CPLANE1: variants seen among roughly 807,000 people sequenced by gnomAD.
CPLANE1 encodes the protein ciliogenesis and planar polarity effector complex subunit 1, also known as ciliogenesis and planar polarity effector 1.
In CPLANE1, 263 loss-of-function variants were observed where a neutral mutation model predicts 362.5. That is an observed-to-expected ratio of 0.73 (90% confidence interval 0.66 to 0.80). CPLANE1 has a LOEUF of 0.80. Among genes scored for constraint, CPLANE1 ranks in the 30% least tolerant of loss-of-function variants. The pLI is 0.00. For missense variants in CPLANE1, 3,461 were observed against 3,793.4 expected, an observed-to-expected ratio of 0.91 and a Z score of 2.30; for synonymous variants, 1,212 against 1,302.6, an observed-to-expected ratio of 0.93 and a Z score of 1.50.
rs141575785 is a variant in CPLANE1, at chr5:37,167,220, G to C, written c.7234-7C>G. 5.1e-4 allele frequency: 808 copies of C among 1,598,298 alleles called. 5 individuals carry two copies. The African/African-American group carries it at 9.3e-3, about 18-fold the overall frequency. ...TAAGTTGTGTTTTTTTGCACTACAA[G>C]AAAGAAACAAAGCATAAGAATGACA... is the stretch of plus-strand genomic sequence containing the variant. On this transcript the variant is annotated splice_polypyrimidine_tract_variant and splice_region_variant and intron_variant, in intron 34 of 52. Transcript: ENST00000651892.
chr5:37,213,468 C>T (rs560574929), intron 16 of CPLANE1, 91 bp downstream of exon 16: 2 of 791,898 alleles, frequency 2.5e-6, no homozygotes, highest in South Asian at 3.8e-5. Flanking sequence ...AGAACAGTAT[C>T]ATTGAGTAAT....
intron 2 of CPLANE1, 134 bp downstream of exon 2, chr5:37,247,484 G>T: frequency 1.5e-6 from 1 of 676,588 alleles, no homozygotes; most frequent in Non-Finnish European, 2.3e-6. Flanking sequence ...GTGCAGGTAG[G>T]TGATCCTCCT....
chr5:37,213,491 A>G, intron 16 of CPLANE1, 68 bp downstream of exon 16: 1 of 1,123,168 alleles, frequency 8.9e-7, no homozygotes, highest in Non-Finnish European at 1.2e-6. Context: ...CCTCTGTATA[A>G]TATGTTTTAA....
At chr5:37,097,775 A>T in the CPLANE1 span, among the ~76,000 whole-genome samples, 1 of 152,182 alleles carries the variant, frequency 6.6e-6, no homozygotes, top group African/African-American at 2.4e-5. Flanking sequence ...TTCATAAATA[A>T]AAGAGAAATA....
chr5:37,207,351 A>G (rs1791054226), intron 16 of CPLANE1, among the ~76,000 whole-genome samples: 1 of 152,226 alleles, frequency 6.6e-6, no homozygotes, highest in African/African-American at 2.4e-5. Flanking sequence ...GGAAAAACAA[A>G]AAGTTTTCAA....
chr5:37,166,933 G>C, intron 35 of CPLANE1, 114 bp downstream of exon 35: 1 of 768,200 alleles, frequency 1.3e-6, no homozygotes, highest in Non-Finnish European at 2.0e-6. Context: ...AAAGAAAACT[G>C]AATGTGCAAT....
At position 37,153,992 on chromosome 5, in the gene CPLANE1, A is replaced by G; in HGVS notation, c.8121T>C (p.Gly2707=). 6.3e-7 allele frequency: 1 copy of G among 1,596,910 alleles called. No homozygotes were observed. The highest frequency in any genetic ancestry group is 1.1e-5 in the South Asian group (1 of 88,996). The change falls in exon 42 of 53, where the codon GGT becomes GGC. Residue 2707 remains glycine (G), a splice_region_variant and synonymous_variant. Transcript: ENST00000651892. ...TGAATCGGAACTCTGGTTTTGGCAG[A>G]CCTAAATATTAATAAGAATAAAAGC... ...PTPSDIQQNK[G]LPKPEFRFKG...
intron 8 of CPLANE1, among the ~76,000 whole-genome samples, chr5:37,232,207 T>G (rs1348881027): frequency 6.6e-6 from 1 of 152,122 alleles, no homozygotes; most frequent in African/African-American, 2.4e-5. Flanking sequence ...AGGATACATA[T>G]GTAGGGACTT....
At chr5:37,207,266 T>C (rs1791022550) in intron 16 of CPLANE1, among the ~76,000 whole-genome samples, 2 of 152,230 alleles carry the variant, frequency 1.3e-5, no homozygotes, top group South Asian at 4.1e-4. Context: ...CTCGAAATGG[T>C]GAGTTTCTCA....
At chr5:37,220,979 C>CAGGCAATT (rs532218727) in intron 15 of CPLANE1, among the ~76,000 whole-genome samples, 83 of 152,314 alleles carry the variant, frequency 5.4e-4, no homozygotes, top group African/African-American at 1.9e-3. Flanking sequence ...ATCAGCTCAG[C>CAGGCAATT]AGGCAATTAC....
intron 9 of CPLANE1, among the ~76,000 whole-genome samples, chr5:37,229,559 A>AAATAAATAAAT (rs1797251602): frequency 7.1e-6 from 1 of 141,756 alleles, no homozygotes; most frequent in African/African-American, 2.6e-5. Flanking sequence ...AATAAATAAT[A>AAATAAATAAAT]AATATAAATA....
At chr5:37,144,988 A>C (rs1275895418) in intron 43 of CPLANE1, among the ~76,000 whole-genome samples, 1 of 152,018 alleles carries the variant, frequency 6.6e-6, no homozygotes, top group Non-Finnish European at 1.5e-5. Context: ...GGTTAAAAAC[A>C]GAGTAGATCT....
intron 30 of CPLANE1, among the ~76,000 whole-genome samples, chr5:37,177,239 A>G (rs1422807815): frequency 6.6e-6 from 1 of 152,220 alleles, no homozygotes; most frequent in African/African-American, 2.4e-5. Flanking sequence ...TAATCATCAC[A>G]ACAGTGAAAG....
At position 37,198,767 on chromosome 5, in the gene CPLANE1, A is replaced by G. The variant is rs1234733049; in HGVS notation, c.3607T>C (p.Cys1203Arg). 6.2e-7 allele frequency: 1 copy of G among 1,614,042 alleles called. No individual in the cohort carries two copies. Among genetic ancestry groups the G allele is most frequent in the Non-Finnish European group, 8.5e-7 (1 of 1,180,038 alleles). Residue 1203 changes from cysteine to arginine, a missense_variant, in exon 20 of 53, where the codon TGT (cysteine) becomes CGT (arginine). Coordinates refer to ENST00000651892, the MANE Select transcript of CPLANE1 (RefSeq NM_001384732.1). The part of the protein sequence containing the change: ...RVLLLFRAAQ[C>R]SFPVAQWYIL... ...TACCACTGTGCTACAGGAAAAGAAC[A>G]CTGAGCCGCCCGGAAAAGCAGGAGA...
At chr5:37,219,884 T>A (rs1263611069) in intron 15 of CPLANE1, among the ~76,000 whole-genome samples, 2 of 152,216 alleles carry the variant, frequency 1.3e-5, no homozygotes, top group African/African-American at 4.8e-5. Flanking sequence ...CCTTTCTACT[T>A]TTCTGTATTT....
At chr5:37,172,601 G>A (rs927309810) in intron 32 of CPLANE1, among the ~76,000 whole-genome samples, 1 of 152,188 alleles carries the variant, frequency 6.6e-6, no homozygotes, top group African/African-American at 2.4e-5. Flanking sequence ...AGGGACTAGG[G>A]AGAATAAGAA....
chr5:37,169,875 C>A (rs1480805565), intron 33 of CPLANE1, among the ~76,000 whole-genome samples, 166 bp downstream of exon 33: 1 of 151,934 alleles, frequency 6.6e-6, no homozygotes, highest in Non-Finnish European at 1.5e-5. Flanking sequence ...TACAGGCATG[C>A]GCCACCACAC....
At chr5:37,108,191 C>T (rs993772762) in intron 52 of CPLANE1, 102 bp downstream of exon 52, 8 of 1,133,118 alleles carry the variant, frequency 7.1e-6, no homozygotes, top group Admixed American at 2.3e-5. Context: ...AGTATTTCCA[C>T]ATCCCACAAA....
chr5:37,153,292 G>A (rs1297124703), intron 42 of CPLANE1, among the ~76,000 whole-genome samples: 1 of 151,918 alleles, frequency 6.6e-6, no homozygotes, highest in African/African-American at 2.4e-5. Context: ...AAACATTTAA[G>A]GAAGAAATAG....
Sources: allele counts gnomAD v4.1 joint callset (sites outside exome capture counted in the v4.1 genomes callset), GRCh38; gene constraint gnomAD v4.1.1; transcripts MANE v1.5; gene names NCBI Gene and HGNC (gene_info 2026-07-23, HGNC 2026-07-21).